ADCY1: variants seen among roughly 807,000 people sequenced by gnomAD.
ADCY1 encodes the protein adenylate cyclase 1.
ADCY1 carries 28 observed loss-of-function variants against 105.4 expected under a neutral mutation model. That is an observed-to-expected ratio of 0.27 (90% confidence interval 0.20 to 0.36). ADCY1 has a LOEUF of 0.36. Ranked by LOEUF, ADCY1 falls within the 10% of genes least tolerant of loss-of-function variation. The pLI, the probability that ADCY1 is intolerant of heterozygous loss-of-function variation, is 1.00. For missense variants in ADCY1, 977 were observed against 1,434.2 expected (o/e 0.68, Z 5.15); for synonymous variants, 655 against 623.8 (o/e 1.05, Z -0.75).
intron 4 of ADCY1, among the ~76,000 whole-genome samples, chr7:45,642,346 G>C (rs1794549060): frequency 6.6e-6 from 1 of 152,196 alleles, no homozygotes; most frequent in African/African-American, 2.4e-5. Context: ...ATTTAGGGCA[G>C]GTAGGTGAGA....
intron 12 of ADCY1, 93 bp from the exon 13 acceptor site, chr7:45,685,869 G>A (rs1171752544): frequency 6.8e-7 from 1 of 1,478,080 alleles, no homozygotes; most frequent in African/African-American, 1.4e-5. Flanking sequence ...AAAACCTTGG[G>A]AGACCTGCTT....
chr7:45,628,118 A>G (rs536018310), intron 4 of ADCY1, among the ~76,000 whole-genome samples: 282 of 152,214 alleles, frequency 1.9e-3, no homozygotes, highest in African/African-American at 6.7e-3. Context: ...ATCCAGAACC[A>G]CTCATCAGAG....
chr7:45,704,646 G>A (rs1279335533), intron 17 of ADCY1, 30 bp downstream of exon 17: 5 of 1,581,402 alleles, frequency 3.2e-6, no homozygotes, highest in Non-Finnish European at 4.3e-6. Flanking sequence ...GCCTGCTTGG[G>A]GACTGGGTCC....
chr7:45,652,502 C>A (rs1454704387), intron 5 of ADCY1, among the ~76,000 whole-genome samples: 1 of 152,208 alleles, frequency 6.6e-6, no homozygotes, highest in Non-Finnish European at 1.5e-5. Flanking sequence ...TGGAGAAAGT[C>A]TTTTCCTTGT....
rs1034613640 is a variant in ADCY1 at position 45,703,554 on chromosome 7, G to A, written c.2572-46G>A. The A allele has an allele frequency of 3.7e-6, 6 of 1,612,172 alleles. No individual in the cohort carries two copies. The Admixed American group carries it at 1.0e-4, about 27-fold the overall frequency. On this transcript the variant is annotated intron_variant, in intron 15 of 19. Coordinates refer to ENST00000297323, the MANE Select transcript of ADCY1 (RefSeq NM_021116.4). This position sits in a 1 kb window ranked among gnomAD's most constrained non-coding sequence, Gnocchi z 5.9. ...TACACTGCTCTGGCCACCCCACTTG[G>A]CGCTCACCTGGCTGACCCTTCCTGA...
intron 7 of ADCY1, among the ~76,000 whole-genome samples, chr7:45,661,064 C>T (rs115853820): frequency 2.6e-3 from 403 of 152,166 alleles, no homozygotes; most frequent in African/African-American, 9.2e-3. Flanking sequence ...GGTGAGGGTG[C>T]AGAGCCATTA....
chr7:45,609,327 G>A (rs1793466860), intron 2 of ADCY1, among the ~76,000 whole-genome samples: 1 of 152,212 alleles, frequency 6.6e-6, no homozygotes, highest in Non-Finnish European at 1.5e-5. Flanking sequence ...AGGCTTGCGT[G>A]GCTGGGGATG....
At chr7:45,670,525 C>T (rs1784346192) in intron 8 of ADCY1, among the ~76,000 whole-genome samples, 1 of 152,124 alleles carries the variant, frequency 6.6e-6, no homozygotes, top group African/African-American at 2.4e-5. Flanking sequence ...TGTTCATCAG[C>T]CCCGACCACA....
chr7:45,655,951 C>T (rs1445607879), intron 5 of ADCY1, among the ~76,000 whole-genome samples: 1 of 151,852 alleles, frequency 6.6e-6, no homozygotes, highest in East Asian at 1.9e-4. Context: ...GGTTTCAGTG[C>T]CTCAAAGAAG....
chr7:45,579,057 C>T (rs1792439433), intron 1 of ADCY1, among the ~76,000 whole-genome samples: 1 of 152,194 alleles, frequency 6.6e-6, no homozygotes, highest in Non-Finnish European at 1.5e-5. Context: ...TTTCCCTGTG[C>T]AGCCCCAGTT....
intron 12 of ADCY1, 21 bp from the exon 13 acceptor site, chr7:45,685,941 C>G (rs767380492): frequency 6.2e-7 from 1 of 1,605,444 alleles, no homozygotes; most frequent in East Asian, 2.2e-5. Flanking sequence ...TGCTAAGCCC[C>G]TGTGACCCCT....
chr7:45,588,791 CA>C (rs2115755716), intron 1 of ADCY1, among the ~76,000 whole-genome samples: 1 of 152,232 alleles, frequency 6.6e-6, no homozygotes, highest in African/African-American at 2.4e-5. Context: ...AGGGTGTTTC[CA>C]GGTGCTGGCT....
chr7:45,640,417 T>TA (rs1207907438), intron 4 of ADCY1, among the ~76,000 whole-genome samples: 1 of 152,234 alleles, frequency 6.6e-6, no homozygotes, highest in Non-Finnish European at 1.5e-5. Flanking sequence ...TGGTTTGGCC[T>TA]AAAAAGATGG....
intron 8 of ADCY1, among the ~76,000 whole-genome samples, chr7:45,670,317 C>T (rs555015774): frequency 3.7e-4 from 57 of 152,318 alleles, no homozygotes; most frequent in African/African-American, 1.1e-3. Flanking sequence ...CGTGGATGCC[C>T]GTCACAGCCC....
At chr7:45,694,121 A>T in intron 14 of ADCY1, among the ~76,000 whole-genome samples, 1 of 125,758 alleles carries the variant, frequency 8.0e-6, no homozygotes, top group East Asian at 2.5e-4. Context: ...ATAATAAAAA[A>T]AAAAAAAAAA....
rs1264076277 is a variant in ADCY1 at position 45,717,174 on chromosome 7, G to A, written c.*3179G>A. On this transcript the variant is annotated 3_prime_UTR_variant, in exon 20 of 20. Transcript: ENST00000297323. ...ATGTACATCCTGGAAGCTGCCCAAG[G>A]TGTGGCCACTTGTAGGGCAGTGAGA... 6.6e-6 allele frequency: 1 copy of A among 152,240 alleles called. No homozygotes were observed. The highest frequency in any genetic ancestry group is 1.5e-5 in the Non-Finnish European group (1 of 68,090). 9.4% of individuals were successfully genotyped at this position (152,240 alleles called of 1,614,324 possible).
intron 1 of ADCY1, among the ~76,000 whole-genome samples, chr7:45,580,340 C>T (rs1330190869): frequency 6.6e-6 from 1 of 152,204 alleles, no homozygotes; most frequent in Non-Finnish European, 1.5e-5. Context: ...GCAGCTCCTT[C>T]ATGGACCGGA....
chr7:45,637,588 G>T lies in ADCY1; in HGVS notation c.1021-11082G>T, dbSNP rs1032476525. 3.3e-5 allele frequency among the ~76,000 whole-genome samples: 5 copies of T among 152,214 alleles called. 1 individual carries two copies. The South Asian group carries it at 8.3e-4, about 25-fold the overall frequency. ...AAAAAGAAAAAACTTAACTGGGTGT[G>T]GTGGCACATACCTGTAGTCCTACTT... is the stretch of plus-strand genomic sequence containing the variant. On this transcript the variant is annotated intron_variant, in intron 4 of 19. Transcript: ENST00000297323.
chr7:45,646,432 G>C (rs1172928249), intron 4 of ADCY1, among the ~76,000 whole-genome samples: 1 of 152,174 alleles, frequency 6.6e-6, no homozygotes, highest in Non-Finnish European at 1.5e-5. Flanking sequence ...TACCTTCCCT[G>C]GGACAGGACA....
Sources: gnomAD v4.1 joint callset for allele counts (sites outside exome capture counted in the v4.1 genomes callset) on GRCh38, gnomAD v4.1.1 for gene constraint, Gnocchi (gnomAD v3.1) non-coding constraint, MANE v1.5 for transcripts, NCBI Gene and HGNC (gene_info 2026-07-23, HGNC 2026-07-21) for gene names.